The following PDE10A variants were observed in gnomAD, a reference collection of about 807,000 sequenced individuals.
PDE10A encodes the protein cAMP and cAMP-inhibited cGMP 3',5'-cyclic phosphodiesterase 10A.
In PDE10A, 39 loss-of-function variants were observed where a neutral mutation model predicts 97.7. That is an observed-to-expected ratio of 0.40 (90% CI 0.31 to 0.52). The LOEUF is 0.52. PDE10A is among the 20% of genes least tolerant of loss of function. PDE10A has a pLI of 0.56. For synonymous variants in PDE10A, 371 were observed against 376.8 expected (o/e 0.98, Z 0.18); for missense variants, 731 against 1,047.8 (o/e 0.70, Z 4.17).
At chr6:165,965,279 C>T (rs1251480077) in intron 1 of PDE10A, among the ~76,000 whole-genome samples, 1 of 152,012 alleles carries the variant, frequency 6.6e-6, no homozygotes, top group Non-Finnish European at 1.5e-5. Flanking sequence ...AAAGTGATGG[C>T]CCCAAGTTTC....
intron 2 of PDE10A, among the ~76,000 whole-genome samples, chr6:165,510,948 T>C (rs988574747): frequency 3.3e-5 from 5 of 151,992 alleles, no homozygotes; most frequent in Non-Finnish European, 5.9e-5. Flanking sequence ...ATCATTTTTT[T>C]TTAACTTTTC....
intron 1 of PDE10A, among the ~76,000 whole-genome samples, chr6:165,602,987 T>C (rs1238513107): frequency 6.6e-6 from 1 of 152,206 alleles, no homozygotes; most frequent in Non-Finnish European, 1.5e-5. Flanking sequence ...TCAGAGTTCT[T>C]TTCCCCACAA....
chr6:165,453,610 G>A (rs1196658575), intron 3 of PDE10A, among the ~76,000 whole-genome samples: 2 of 152,246 alleles, frequency 1.3e-5, no homozygotes, highest in African/African-American at 4.8e-5. Context: ...GTTCAAGTGA[G>A]TTCAAGTGCA....
intron 1 of PDE10A, among the ~76,000 whole-genome samples, chr6:165,628,948 T>C (rs769609944): frequency 2.6e-5 from 4 of 152,142 alleles, no homozygotes; most frequent in South Asian, 2.1e-4. Flanking sequence ...GGGCAACAGA[T>C]CCATGCATTT....
chr6:165,943,380 G>A (rs866593738), intron 1 of PDE10A, among the ~76,000 whole-genome samples: 16 of 106,058 alleles, frequency 1.5e-4, no homozygotes, highest in Middle Eastern at 0.01. Context: ...GAAAACGAAC[G>A]AACTGAGTAT....
chr6:165,894,476 G>A (rs927012061), intron 1 of PDE10A: 4 of 455,970 alleles, frequency 8.8e-6, no homozygotes, highest in Non-Finnish European at 1.8e-5. Context: ...GGTGGAGAGG[G>A]AAAACCTAGA....
intron 1 of PDE10A, among the ~76,000 whole-genome samples, chr6:165,567,856 C>T (rs1583556316): frequency 6.6e-6 from 1 of 152,172 alleles, no homozygotes; most frequent in Admixed American, 6.5e-5. Flanking sequence ...CATCTTTCAC[C>T]TTATCTTATT....
rs576884628 is a variant in PDE10A at position 165,334,417 on chromosome 6, G to A, written c.3066-1290C>T. On this transcript the variant is annotated intron_variant, in intron 21 of 21. Transcript: ENST00000539869. ...CGCCTCCATAGCGCCCTACAGCGCC[G>A]GGCACGCGCCTCTATAGCGCCCTAC... 1.9e-3 allele frequency among the ~76,000 whole-genome samples: 286 copies of A among 146,892 alleles called. 6 individuals are homozygous for A. Among genetic ancestry groups the A allele is most frequent in the African/African-American group, 6.9e-3 (271 of 39,094 alleles).
At chr6:165,969,489 A>G (rs1483239558) in intron 1 of PDE10A, among the ~76,000 whole-genome samples, 1 of 152,186 alleles carries the variant, frequency 6.6e-6, no homozygotes, top group Non-Finnish European at 1.5e-5. Flanking sequence ...AGAAACTAGA[A>G]GTAGCCCAGT....
intron 1 of PDE10A, chr6:165,660,241 A>T (rs1790172368): frequency 6.6e-6 from 1 of 152,664 alleles, no homozygotes; most frequent in African/African-American, 2.4e-5. Flanking sequence ...GCACTTCAGT[A>T]GGGAAAAGTG....
chr6:165,398,733 C>T (rs1400515563), intron 13 of PDE10A, among the ~76,000 whole-genome samples: 1 of 151,482 alleles, frequency 6.6e-6, no homozygotes, highest in Non-Finnish European at 1.5e-5. Context: ...CTTCATATAA[C>T]AAAATCATTA....
At position 165,331,290 on chromosome 6, in the gene PDE10A, T is replaced by C. The variant is rs1562352566; in HGVS notation, c.*1735A>G. The C allele has an allele frequency of 6.6e-6, 1 of 152,126 alleles. No homozygotes were observed. The highest frequency in any genetic ancestry group is 1.5e-5 in the Non-Finnish European group (1 of 68,012). 9.4% of individuals were successfully genotyped at this position (152,126 alleles called of 1,614,324 possible). A position where few individuals can be genotyped will look rare whatever the true frequency, so the allele number is the denominator to read the frequency against. On this transcript the variant is annotated 3_prime_UTR_variant, in exon 22 of 22. Transcript: ENST00000539869. ...TCTTTTGTTATTACATTTTACCTCA[T>C]AGTGTATAATGAAAATAGCAAATGG... is the stretch of plus-strand genomic sequence containing the variant.
intron 1 of PDE10A, among the ~76,000 whole-genome samples, chr6:165,829,875 G>A (rs1313390057): frequency 1.3e-5 from 2 of 152,096 alleles, no homozygotes; most frequent in Non-Finnish European, 1.5e-5. Flanking sequence ...CCTAACACCA[G>A]GGCTGCCAGG....
Position 165,587,174 on chromosome 6 carries a change from C to T in PDE10A, c.866-43606G>A, listed in dbSNP as rs78292997. On this transcript the variant is annotated intron_variant, in intron 1 of 21. Coordinates refer to ENST00000539869, the MANE Select transcript of PDE10A (RefSeq NM_001385079.1). ...GTCCTGTTTGTTCTCATCGTATCAC[C>T]TGCATGTGGAACAAAGAAGACAGTA... Among the ~76,000 whole-genome samples, 428 of 152,242 alleles carry T rather than the reference C, an allele frequency of 2.8e-3. 2 individuals are homozygous for T. Among genetic ancestry groups the T allele is most frequent in the African/African-American group, 9.9e-3 (412 of 41,544 alleles).
intron 1 of PDE10A, among the ~76,000 whole-genome samples, chr6:165,752,866 G>A (rs961214253): frequency 6.6e-6 from 1 of 152,204 alleles, no homozygotes; most frequent in African/African-American, 2.4e-5. Context: ...AGGTAAGGAA[G>A]TCACCTGCTA....
intron 1 of PDE10A, among the ~76,000 whole-genome samples, chr6:165,930,120 G>T (rs968067275): frequency 6.8e-6 from 1 of 146,934 alleles, no homozygotes; most frequent in African/African-American, 2.5e-5. Context: ...GCTGGGAAAA[G>T]AGTGCTCCCT....
At chr6:165,349,614 T>A (rs1283657435) in intron 18 of PDE10A, among the ~76,000 whole-genome samples, 1 of 152,178 alleles carries the variant, frequency 6.6e-6, no homozygotes, top group African/African-American at 2.4e-5. Flanking sequence ...GAACTGAGTG[T>A]TAATCACCAA....
intron 1 of PDE10A, among the ~76,000 whole-genome samples, chr6:165,603,093 A>G (rs1437042200): frequency 6.6e-6 from 1 of 152,228 alleles, no homozygotes; most frequent in Non-Finnish European, 1.5e-5. Context: ...GTTACTAATG[A>G]TGCACCTCCT....
At chr6:165,410,815 G>A (rs1156380512) in intron 13 of PDE10A, among the ~76,000 whole-genome samples, 1 of 151,402 alleles carries the variant, frequency 6.6e-6, no homozygotes, top group Non-Finnish European at 1.5e-5. Context: ...TTGGCCGGGC[G>A]CGGTGGCTCA....
Sources: gnomAD v4.1 joint callset for allele counts (sites outside exome capture counted in the v4.1 genomes callset) on GRCh38, gnomAD v4.1.1 for gene constraint, MANE v1.5 for transcripts, NCBI Gene and HGNC (gene_info 2026-07-23, HGNC 2026-07-21) for gene names.